POLQ: variants seen among roughly 807,000 people sequenced by gnomAD.
The protein encoded by POLQ is DNA polymerase theta, also known as epididymis secretory sperm binding protein.
Under a neutral mutation model 259.2 loss-of-function variants are expected in POLQ, and 233 were observed. The ratio of observed to expected loss-of-function variants is 0.90; its 90% CI spans 0.81 to 1.00. The LOEUF (loss-of-function observed/expected upper bound fraction) is 1.00. Among genes scored for constraint, POLQ ranks in the 50% least tolerant of loss-of-function variants. The pLI, the probability that POLQ is intolerant of heterozygous loss-of-function variation, is 0.00. For synonymous variants in POLQ, 1,025 were observed against 1,048.8 expected, an observed-to-expected ratio of 0.98 and a Z score of 0.44; for missense variants, 2,871 against 3,051.6, an observed-to-expected ratio of 0.94 and a Z score of 1.39.
In POLQ at chr3:121,539,530, T is replaced by G. The variant is rs1309082721; in HGVS notation, c.534A>C (p.Ser178=). 4 of 1,612,530 alleles carry G rather than the reference T, an allele frequency of 2.5e-6. No individual in the cohort carries two copies. Among genetic ancestry groups the G allele is most frequent in the Non-Finnish European group, 3.4e-6 (4 of 1,178,642 alleles). Reference sequence around the variant, plus strand: ...CAATATCCAATGAAGAGAAATGCCTTGATGGAGAGGTGCTGCCCATATAAC... The same window carrying G: ...CAATATCCAATGAAGAGAAATGCCTGGATGGAGAGGTGCTGCCCATATAAC... ...VDGYMGSTSP[S]RHFSSLDIAV... Residue 178 remains serine, a synonymous_variant, in exon 4 of 30, where the codon TCA becomes TCC. Coordinates refer to ENST00000264233, the MANE Select transcript of POLQ (RefSeq NM_199420.4).
chr3:121,471,813 C>G (rs951094923), intron 22 of POLQ, among the ~76,000 whole-genome samples, 177 bp downstream of exon 22: 1 of 152,138 alleles, frequency 6.6e-6, no homozygotes, highest in African/African-American at 2.4e-5. Flanking sequence ...CAATACTCAT[C>G]TCTGTACCCA....
Position 121,489,730 on chromosome 3 carries a change from TA to T in POLQ, c.3200del (p.Leu1067TyrfsTer18), listed in dbSNP as rs778895555. The stretch of plus-strand genomic sequence containing the variant: ...TAGGATTAGACAGAGTCTGTCCTTG[TA>T]AATGGATTCTACACGCTCCAGAGTC... ...LKDSGACRIH[L>X]QGQTLSNPSL... On this transcript the variant is annotated frameshift_variant, in exon 16 of 30. Coordinates refer to ENST00000264233, the MANE Select transcript of POLQ (RefSeq NM_199420.4). LOFTEE classifies it high-confidence loss of function. The T allele has an allele frequency of 4.5e-5, 73 of 1,612,470 alleles. No individual in the cohort carries two copies. Among genetic ancestry groups the T allele is most frequent in the Non-Finnish European group, 6.2e-5 (73 of 1,179,718 alleles).
intron 25 of POLQ, among the ~76,000 whole-genome samples, chr3:121,454,067 G>A (rs1041718183): frequency 2.0e-5 from 3 of 152,204 alleles, no homozygotes; most frequent in Middle Eastern, 3.4e-3. Flanking sequence ...AGAGAGTGGG[G>A]GCCAATATTC....
chr3:121,474,767 C>A (rs2047912965), intron 20 of POLQ, among the ~76,000 whole-genome samples: 1 of 152,180 alleles, frequency 6.6e-6, no homozygotes, highest in Admixed American at 6.5e-5. Context: ...TGAACATATG[C>A]ATGTATAGGG....
intron 12 of POLQ, among the ~76,000 whole-genome samples, chr3:121,504,743 C>T (rs1576419857): frequency 6.6e-6 from 1 of 152,184 alleles, no homozygotes; most frequent in East Asian, 1.9e-4. Context: ...AGTATTTATC[C>T]AATGCCTGTA....
chr3:121,440,133 G>A lies in POLQ; in HGVS notation c.7265-17C>T. 6.3e-7 allele frequency: 1 copy of A among 1,591,484 alleles called. No homozygotes were observed. The highest frequency in any genetic ancestry group is 8.6e-7 in the Non-Finnish European group (1 of 1,162,098). Reference sequence around the variant, plus strand: ...GATTAATCCCTACAAAGAAAATACAGAAATAATTAATTAGAACCAAAGTCT... The same window carrying A: ...GATTAATCCCTACAAAGAAAATACAAAAATAATTAATTAGAACCAAAGTCT... On this transcript the variant is annotated splice_polypyrimidine_tract_variant and intron_variant, in intron 26 of 29. Coordinates refer to ENST00000264233, the MANE Select transcript of POLQ (RefSeq NM_199420.4).
chr3:121,489,023 G>A lies in POLQ; in HGVS notation c.3908C>T (p.Thr1303Ile), dbSNP rs2048039561. 1 of 1,612,684 alleles carries A rather than the reference G, an allele frequency of 6.2e-7. No homozygotes were observed. The highest frequency in any genetic ancestry group is 2.2e-5 in the East Asian group (1 of 44,888). The change falls in exon 16 of 30, where the codon ACT (threonine) becomes ATT (isoleucine). Residue 1303 changes from threonine (T) to isoleucine (I), a missense_variant. This residue lies in a region of POLQ where 2,080 missense variants were observed against 2,126.0 expected (regional missense o/e 0.98). Transcript: ENST00000264233. ...TAAGTCAGAAACATGATTATTTTTA[G>A]TTTTGTTTGTTGTATAAGTACCTGT... Reference protein sequence around the residue: ...EKTGTYTTNKTKNNHVSDLGL... With the variant: ...EKTGTYTTNKIKNNHVSDLGL...
At chr3:121,491,583 T>C (rs1229443188) in intron 15 of POLQ, among the ~76,000 whole-genome samples, 2 of 152,096 alleles carry the variant, frequency 1.3e-5, no homozygotes, top group South Asian at 2.1e-4. Flanking sequence ...AAAACTTAGA[T>C]AACAACCTGG....
Position 121,544,911 on chromosome 3 carries a change from T to C in POLQ, c.164-5A>G, listed in dbSNP as rs763091037. 3.2e-6 allele frequency: 5 copies of C among 1,560,112 alleles called. No homozygotes were observed. In the South Asian group the frequency reaches 3.5e-5, roughly 11 times the overall value. On this transcript the variant is annotated splice_region_variant and splice_polypyrimidine_tract_variant and intron_variant, in intron 1 of 29. Coordinates refer to ENST00000264233, the MANE Select transcript of POLQ (RefSeq NM_199420.4). ...GAACTGTAGGCTTGCATTCTCCTTT[T>C]AGGAAAAAGAAAAAATTAAAATTTA...
intron 25 of POLQ, among the ~76,000 whole-genome samples, chr3:121,455,393 T>A (rs2047724816): frequency 7.0e-6 from 1 of 142,932 alleles, no homozygotes; most frequent in Non-Finnish European, 1.5e-5. Context: ...AGAGCAGAAC[T>A]GAAGGAAATA....
chr3:121,534,460 A>C (rs1026662661), intron 5 of POLQ, among the ~76,000 whole-genome samples: 3 of 151,960 alleles, frequency 2.0e-5, no homozygotes, highest in African/African-American at 7.3e-5. Context: ...AGTAGCTGGG[A>C]TTGCAGGTAT....
At chr3:121,525,297 C>A (rs7629017) in intron 7 of POLQ, among the ~76,000 whole-genome samples, 1 of 150,834 alleles carries the variant, frequency 6.6e-6, no homozygotes, top group Non-Finnish European at 1.5e-5. Context: ...GCCAAGATAG[C>A]GCCACTACAC....
In POLQ at chr3:121,489,553, T is replaced by C; in HGVS notation, c.3378A>G (p.Ile1126Met). 8 of 1,613,442 alleles carry C rather than the reference T, an allele frequency of 5.0e-6. No individual in the cohort carries two copies. Among genetic ancestry groups the C allele is most frequent in the Non-Finnish European group, 6.8e-6 (8 of 1,179,708 alleles). Reference protein sequence around the residue: ...LQIKQNCSWNITLTNDNFVEH... With the variant: ...LQIKQNCSWNMTLTNDNFVEH... ...CCACAAAATTATCATTAGTTAGTGTTATGTTCCATGAACAATTTTGCTTTA... is the reference window on the plus strand; with the variant it reads ...CCACAAAATTATCATTAGTTAGTGTCATGTTCCATGAACAATTTTGCTTTA... The change falls in exon 16 of 30, where the codon ATA (isoleucine) becomes ATG (methionine). Residue 1126 changes from isoleucine (I) to methionine (M), a missense_variant. Ile to Met is a conservative substitution (Grantham distance 10, BLOSUM62 1). Coordinates refer to ENST00000264233, the MANE Select transcript of POLQ (RefSeq NM_199420.4).
chr3:121,473,393 T>C lies in POLQ; in HGVS notation c.6500A>G (p.Asn2167Ser), dbSNP rs2047900770. 4.3e-6 allele frequency: 7 copies of C among 1,614,126 alleles called. 1 individual carries two copies. Among genetic ancestry groups the C allele is most frequent in the South Asian group, 2.2e-5 (2 of 91,072 alleles). ...TLGSTRRGIDNGRKLRLGRQF... is the reference protein window; with the variant it reads ...TLGSTRRGIDSGRKLRLGRQF... ...TCTTCCCAGCCTTAGCTTGCGTCCA[T>C]TGTCAATCCCTCTTCTGGTAGAACC... Residue 2167 changes from asparagine (N) to serine (S), a missense_variant, in exon 21 of 30, where the codon AAT becomes AGT. Asn to Ser is a conservative substitution (Grantham distance 46). Coordinates refer to ENST00000264233, the MANE Select transcript of POLQ (RefSeq NM_199420.4).
In POLQ at chr3:121,498,607, T is replaced by C. The variant is rs200153668; in HGVS notation, c.2023A>G (p.Lys675Glu). 1.1e-4 allele frequency: 171 copies of C among 1,613,760 alleles called. 3 individuals are homozygous for C. The highest frequency in any genetic ancestry group is 1.1e-4 in the Non-Finnish European group (130 of 1,179,838). The change falls in exon 13 of 30, where the codon AAG (lysine) becomes GAG (glutamate). Residue 675 changes from lysine to glutamate, a missense_variant. By Grantham distance (56) the Lys-to-Glu change is moderately conservative. Transcript: ENST00000264233. The stretch of plus-strand genomic sequence containing the variant: ...ACCCTTTTCATTGAAGTTGGCAACT[T>C]CTCCCATAAACAGAAAAATCGATAC... Reference protein sequence around the residue: ...DWYRFFCLWEKLPTSMKRVAE... With the variant: ...DWYRFFCLWEELPTSMKRVAE...
At chr3:121,507,864 GT>G (rs2048221439) in intron 12 of POLQ, among the ~76,000 whole-genome samples, 1 of 151,712 alleles carries the variant, frequency 6.6e-6, no homozygotes, top group African/African-American at 2.4e-5. Context: ...TTTTTTGCTT[GT>G]TTTTAAGACA....
chr3:121,447,717 T>C (rs2047643150), intron 26 of POLQ, among the ~76,000 whole-genome samples: 1 of 152,346 alleles, frequency 6.6e-6, no homozygotes, highest in Middle Eastern at 3.4e-3. Flanking sequence ...CTTTTTGGCA[T>C]TTCTTGTAGG....
chr3:121,542,428 T>C (rs1297240651), intron 2 of POLQ, among the ~76,000 whole-genome samples: 2 of 152,074 alleles, frequency 1.3e-5, no homozygotes, highest in African/African-American at 2.4e-5. Context: ...AGGAATGCCA[T>C]GCCTAAGAAA....
chr3:121,432,512 T>G, intron 29 of POLQ, 95 bp from the exon 30 acceptor site: 9 of 1,273,850 alleles, frequency 7.1e-6, no homozygotes, highest in Non-Finnish European at 8.5e-6. Context: ...CTGGAGCTCT[T>G]CACCCAATGG....
Sources: allele counts gnomAD v4.1 joint callset (sites outside exome capture counted in the v4.1 genomes callset), GRCh38; gene constraint gnomAD v4.1.1; regional missense constraint gnomAD v4.1.1; transcripts MANE v1.5; gene names NCBI Gene and HGNC (gene_info 2026-07-23, HGNC 2026-07-21).